Variants in PAPPA observed in about 807,000 individuals in gnomAD.
PAPPA encodes the protein pappalysin 1.
A neutral mutation model predicts 164.0 loss-of-function variants in PAPPA; 60 were observed. The observed-to-expected ratio is 0.37, with a 90% CI of 0.30 to 0.45. The LOEUF (loss-of-function observed/expected upper bound fraction) is 0.45. Among genes scored for constraint, PAPPA ranks in the 20% least tolerant of loss-of-function variants. PAPPA has a pLI of 1.00. For missense variants in PAPPA, 1,782 were observed against 2,087.3 expected, an observed-to-expected ratio of 0.85 and a Z score of 2.85; for synonymous variants, 875 against 814.1, an observed-to-expected ratio of 1.07 and a Z score of -1.27.
intron 7 of PAPPA, among the ~76,000 whole-genome samples, chr9:116,250,067 C>T (rs1844842954): frequency 1.3e-5 from 2 of 150,772 alleles, no homozygotes; most frequent in African/African-American, 4.9e-5. Context: ...AGCAGGCAAA[C>T]AAAGACCTGT....
At chr9:116,266,130 T>C (rs1197849502) in intron 8 of PAPPA, 145 bp downstream of exon 8, 1 of 626,080 alleles carries the variant, frequency 1.6e-6, no homozygotes, top group African/African-American at 1.8e-5. Context: ...TCTGGATTGG[T>C]CTCCAAACAA....
At chr9:116,339,341 C>A (rs1846104088) in intron 13 of PAPPA, among the ~76,000 whole-genome samples, 1 of 152,134 alleles carries the variant, frequency 6.6e-6, no homozygotes, top group Non-Finnish European at 1.5e-5. Context: ...TTTGGCCAGG[C>A]ACATACCCTC....
intron 11 of PAPPA, among the ~76,000 whole-genome samples, chr9:116,331,988 T>C (rs1845998763): frequency 6.6e-6 from 1 of 152,200 alleles, no homozygotes; most frequent in South Asian, 2.1e-4. Context: ...CTCATTATCT[T>C]ACTAGAACCT....
chr9:116,171,275 T>G (rs1282633560), intron 1 of PAPPA, among the ~76,000 whole-genome samples: 1 of 152,234 alleles, frequency 6.6e-6, no homozygotes, highest in Non-Finnish European at 1.5e-5. Flanking sequence ...CTTCACATTC[T>G]GTGTATGCCT....
intron 17 of PAPPA, 26 bp from the exon 18 acceptor site, chr9:116,362,566 C>T (rs763851436): frequency 6.2e-6 from 10 of 1,607,160 alleles, no homozygotes; most frequent in Non-Finnish European, 7.6e-6. Context: ...CTCTCTTGGT[C>T]CTAACTCTGT....
chr9:116,186,089 T>G (rs988862728), intron 1 of PAPPA, among the ~76,000 whole-genome samples: 2 of 152,108 alleles, frequency 1.3e-5, no homozygotes, highest in Non-Finnish European at 2.9e-5. Flanking sequence ...ATTAAGTTAG[T>G]GCATATACAG....
chr9:116,245,271 G>T lies in PAPPA; in HGVS notation c.2732+9634G>T, dbSNP rs1371010165. ...TGAATTCACTCTGCCATCTATGCAT[G>T]TAATAAAATTATATTTGTACCCCAT... On this transcript the variant is annotated intron_variant, in intron 7 of 21. Transcript: ENST00000328252. Among the ~76,000 whole-genome samples, 4 of 152,172 alleles carry T rather than the reference G, an allele frequency of 2.6e-5. No homozygotes were observed. In the East Asian group the frequency reaches 7.7e-4, roughly 29 times the overall value.
intron 7 of PAPPA, among the ~76,000 whole-genome samples, chr9:116,249,905 CACA>C: frequency 6.6e-6 from 1 of 152,190 alleles, no homozygotes; most frequent in East Asian, 1.9e-4. Flanking sequence ...CACCTTCAGC[CACA>C]ACATTTCTTT....
intron 4 of PAPPA, among the ~76,000 whole-genome samples, chr9:116,212,393 G>A (rs1008810385): frequency 6.6e-6 from 1 of 152,008 alleles, no homozygotes; most frequent in African/African-American, 2.4e-5. Flanking sequence ...GGAGCATTAG[G>A]GGATGCCCTG....
In PAPPA at chr9:116,219,966, A is replaced by G. The variant is rs1342223903; in HGVS notation, c.1948A>G (p.Asn650Asp). 6.2e-7 allele frequency: 1 copy of G among 1,613,840 alleles called. No individual in the cohort carries two copies. The highest frequency in any genetic ancestry group is 8.5e-7 in the Non-Finnish European group (1 of 1,179,922). Residue 650 changes from asparagine (N) to aspartate (D), a missense_variant, in exon 5 of 22, where the codon AAT (asparagine) becomes GAT (aspartate). Coordinates refer to ENST00000328252, the MANE Select transcript of PAPPA (RefSeq NM_002581.5). ...DDDCTDSFTP[N>D]QVARMHCYLD... ...CGACTGTACGGACTCCTTCACGCCCAATCAAGTCGCCAGAATGCACTGTTA... is the reference window on the plus strand; with the variant it reads ...CGACTGTACGGACTCCTTCACGCCCGATCAAGTCGCCAGAATGCACTGTTA...
In PAPPA at chr9:116,154,671, G is replaced by C. The variant is rs1178598716; in HGVS notation, c.415+84G>C. On this transcript the variant is annotated intron_variant, in intron 1 of 21. Transcript: ENST00000328252. The surrounding 1 kb of genome is among the most constrained non-coding windows in gnomAD (Gnocchi z 5.2). ...GTGTCTGGGCGCGGGTGGCGGGCGG[G>C]TCGGGGGCTTGCGGGCGTGTCTGTG... is the stretch of plus-strand genomic sequence containing the variant. 2.4e-6 allele frequency: 3 copies of C among 1,245,406 alleles called. No homozygotes were observed. The highest frequency in any genetic ancestry group is 3.2e-5 in the East Asian group (1 of 31,392). 77.1% of individuals were successfully genotyped at this position (1,245,406 alleles called of 1,614,324 possible).
chr9:116,313,497 T>A (rs1845749098), intron 10 of PAPPA, among the ~76,000 whole-genome samples: 2 of 152,190 alleles, frequency 1.3e-5, no homozygotes, highest in East Asian at 3.9e-4. Flanking sequence ...GCAGTGCAAC[T>A]GACTGGTGGC....
At chr9:116,260,067 A>G (rs1348688169) in intron 7 of PAPPA, among the ~76,000 whole-genome samples, 1 of 152,234 alleles carries the variant, frequency 6.6e-6, no homozygotes, top group African/African-American at 2.4e-5. Flanking sequence ...ACAGCCAGCT[A>G]CAAAATAAGT....
intron 10 of PAPPA, among the ~76,000 whole-genome samples, chr9:116,329,885 T>C (rs1359596123): frequency 6.6e-6 from 1 of 152,222 alleles, no homozygotes; most frequent in South Asian, 2.1e-4. Context: ...AATTCTGTCA[T>C]GTGAATATTT....
At chr9:116,300,670 C>T (rs777379290) in intron 9 of PAPPA, among the ~76,000 whole-genome samples, 1 of 152,082 alleles carries the variant, frequency 6.6e-6, no homozygotes, top group African/African-American at 2.4e-5. Context: ...TTCTGGTGCC[C>T]CTGAATCCAA....
In PAPPA at chr9:116,153,936, C is replaced by G. The variant is rs866622467; in HGVS notation, c.-237C>G. On this transcript the variant is annotated 5_prime_UTR_variant, in exon 1 of 22. Coordinates refer to ENST00000328252, the MANE Select transcript of PAPPA (RefSeq NM_002581.5). ...GGGAAAAATAAGGCAGATAAAGGAG[C>G]GGGGAGAGAAATTAATTGCCAACCA... is the stretch of plus-strand genomic sequence containing the variant. 7.0e-6 allele frequency: 2 copies of G among 286,288 alleles called. No homozygotes were observed. The highest frequency in any genetic ancestry group is 5.7e-6 in the Non-Finnish European group (1 of 174,090). 17.7% of individuals were successfully genotyped at this position (286,288 alleles called of 1,614,324 possible).
chr9:116,162,618 A>G (rs1252389607), intron 1 of PAPPA, among the ~76,000 whole-genome samples: 2 of 152,222 alleles, frequency 1.3e-5, no homozygotes, highest in Non-Finnish European at 2.9e-5. Context: ...TGTAAAGTGC[A>G]GATAATACTA....
intron 21 of PAPPA, among the ~76,000 whole-genome samples, chr9:116,388,081 T>TA (rs1008264478): frequency 2.4e-4 from 14 of 57,264 alleles, no homozygotes; most frequent in Non-Finnish European, 4.5e-4. Context: ...CCTCCCTTAT[T>TA]TGTCTGTACA....
intron 2 of PAPPA, among the ~76,000 whole-genome samples, chr9:116,191,926 C>T (rs1844047480): frequency 6.6e-6 from 1 of 152,128 alleles, no homozygotes; most frequent in African/African-American, 2.4e-5. Flanking sequence ...CCATGGAGAG[C>T]CATTTACCCC....
Sources: gnomAD v4.1 joint callset for allele counts (sites outside exome capture counted in the v4.1 genomes callset) on GRCh38, gnomAD v4.1.1 for gene constraint, Gnocchi (gnomAD v3.1) non-coding constraint, MANE v1.5 for transcripts, NCBI Gene and HGNC (gene_info 2026-07-23, HGNC 2026-07-21) for gene names.